Variants in KDM2A observed in about 807,000 individuals in gnomAD.
KDM2A encodes lysine-specific demethylase 2A.
A neutral mutation model predicts 137.3 loss-of-function variants in KDM2A; 3 were observed. The ratio of observed to expected loss-of-function variants is 0.02; its 90% CI spans 0.01 to 0.06. KDM2A has a LOEUF of 0.06. Among genes scored for constraint, KDM2A ranks in the 10% least tolerant of loss-of-function variants. The pLI is 1.00. For missense variants in KDM2A, 738 were observed against 1,510.6 expected (o/e 0.49, Z 8.48); for synonymous variants, 512 against 541.5 (o/e 0.95, Z 0.76).
At chr11:67,240,200 C>T in intron 12 of KDM2A, 2 of 1,534,178 alleles carry the variant, frequency 1.3e-6, no homozygotes, top group Non-Finnish European at 1.7e-6. Flanking sequence ...GCTGGACTGC[C>T]CTGCCCTATG....
chr11:67,134,662 G>A (rs759678506), intron 2 of KDM2A, among the ~76,000 whole-genome samples: 42 of 151,766 alleles, frequency 2.8e-4, no homozygotes, highest in Non-Finnish European at 5.4e-4. Flanking sequence ...GCGTCGCCAC[G>A]CCCAGCTAAT....
At chr11:67,251,488 T>C (rs1859426575) in intron 17 of KDM2A, among the ~76,000 whole-genome samples, 1 of 152,244 alleles carries the variant, frequency 6.6e-6, no homozygotes, top group African/African-American at 2.4e-5. Flanking sequence ...CCTTAAACTC[T>C]GGTATATATT....
intron 2 of KDM2A, among the ~76,000 whole-genome samples, chr11:67,144,198 C>T (rs1174237615): frequency 6.6e-6 from 1 of 151,646 alleles, no homozygotes; most frequent in Non-Finnish European, 1.5e-5. Context: ...GCCTACCTCC[C>T]AAAGTGTTGG....
chr11:67,255,866 T>A lies in KDM2A; in HGVS notation c.*811T>A. On this transcript the variant is annotated 3_prime_UTR_variant, in exon 21 of 21. Transcript: ENST00000529006. ...ACCATCTCCTTGTTCCCCCTCTCTC[T>A]TTTGCCTCCCACTGACTGCCCTTTT... 3.7e-6 allele frequency: 1 copy of A among 269,518 alleles called. No homozygotes were observed. Among genetic ancestry groups the A allele is most frequent in the Non-Finnish European group, 7.4e-6 (1 of 134,358 alleles). The allele number at this position is 269,518 out of a possible 1,614,324, so 16.7% of individuals were successfully genotyped here. A position where few individuals can be genotyped will look rare whatever the true frequency, so the allele number is the denominator to read the frequency against.
At chr11:67,143,394 T>A (rs532857741) in intron 2 of KDM2A, 44 of 152,070 alleles carry the variant, frequency 2.9e-4, no homozygotes, top group African/African-American at 1.1e-3. Context: ...GTTGGTTCAG[T>A]TTCTGAAAAT....
chr11:67,196,572 C>T (rs1326470994), intron 5 of KDM2A: 3 of 419,980 alleles, frequency 7.1e-6, no homozygotes, highest in Non-Finnish European at 1.4e-5. Flanking sequence ...CTGATATATA[C>T]TACACATTAC....
chr11:67,238,236 T>C (rs1858926779), intron 12 of KDM2A, among the ~76,000 whole-genome samples: 1 of 152,184 alleles, frequency 6.6e-6, no homozygotes, highest in Non-Finnish European at 1.5e-5. Context: ...GGAAACTTAC[T>C]GGGAGTGAGT....
At chr11:67,228,363 A>T (rs1358663622) in intron 11 of KDM2A, among the ~76,000 whole-genome samples, 200 bp downstream of exon 11, 1 of 152,142 alleles carries the variant, frequency 6.6e-6, no homozygotes, top group Non-Finnish European at 1.5e-5. Flanking sequence ...TCTGGATCTG[A>T]TCTTTGTCTG....
intron 15 of KDM2A, 25 bp from the exon 16 acceptor site, chr11:67,248,256 T>C: frequency 6.5e-7 from 1 of 1,543,424 alleles, no homozygotes; most frequent in East Asian, 2.3e-5. Flanking sequence ...GACAGGCTTT[T>C]AAAAACATCT....
chr11:67,215,794 T>C (rs2136395183), intron 7 of KDM2A, 62 bp from the exon 8 acceptor site: 2 of 1,223,460 alleles, frequency 1.6e-6, no homozygotes, highest in East Asian at 4.6e-5. Context: ...GTATGGCATT[T>C]TGGTGGGGCA....
At chr11:67,132,573 C>T (rs1252610385) in intron 2 of KDM2A, among the ~76,000 whole-genome samples, 4 of 152,158 alleles carry the variant, frequency 2.6e-5, no homozygotes, top group East Asian at 3.8e-4. Context: ...AGGCATGAGC[C>T]GCTGCGTCCA....
intron 2 of KDM2A, among the ~76,000 whole-genome samples, chr11:67,174,363 C>G (rs1404721506): frequency 1.3e-5 from 2 of 152,192 alleles, no homozygotes; most frequent in African/African-American, 2.4e-5. Flanking sequence ...ATTCTCTGCT[C>G]AAAAGTTCTG....
At chr11:67,226,571 A>T (rs1258515008) in intron 10 of KDM2A, among the ~76,000 whole-genome samples, 1 of 151,846 alleles carries the variant, frequency 6.6e-6, no homozygotes, top group African/African-American at 2.4e-5. Context: ...AAATACAAAA[A>T]ATTAGCCGGG....
chr11:67,244,985 CAAA>C (rs367648085), intron 13 of KDM2A: 5,794 of 337,154 alleles, frequency 0.017, no homozygotes, highest in South Asian at 0.023. Context: ...GACTCTGTCT[CAAA>C]AAAAAAAAAA....
rs1749541534 is a variant in KDM2A at position 67,248,137 on chromosome 11, C to T, written c.1966-144C>T. ...TCAAGATCAGGTTCAGCACCATTGGCTATTTGGGGCTGGATTGCTCACAGT... is the reference window on the plus strand; with the variant it reads ...TCAAGATCAGGTTCAGCACCATTGGTTATTTGGGGCTGGATTGCTCACAGT... On this transcript the variant is annotated intron_variant, in intron 15 of 20. Transcript: ENST00000529006. 6.3e-6 allele frequency: 4 copies of T among 631,156 alleles called. No individual in the cohort carries two copies. In the South Asian group the frequency reaches 7.6e-5, roughly 12 times the overall value. The allele number at this position is 631,156 out of a possible 1,614,324, so 39.1% of individuals were successfully genotyped here. A position where few individuals can be genotyped will look rare whatever the true frequency, so the allele number is the denominator to read the frequency against.
At chr11:67,215,742 CTTAAGA>C (rs1858140921) in intron 7 of KDM2A, 108 bp from the exon 8 acceptor site, 4 of 785,476 alleles carry the variant, frequency 5.1e-6, no homozygotes, top group Middle Eastern at 2.4e-4. Flanking sequence ...CCTTCTGGAA[CTTAAGA>C]TTAAGTGGAA....
chr11:67,200,964 C>T (rs568280347), intron 5 of KDM2A, among the ~76,000 whole-genome samples: 3 of 151,850 alleles, frequency 2.0e-5, no homozygotes, highest in South Asian at 4.2e-4. Flanking sequence ...GAGGTCGAGG[C>T]GGGTGGATCA....
intron 2 of KDM2A, among the ~76,000 whole-genome samples, chr11:67,151,382 TTTA>T (rs1311826765): frequency 1.3e-5 from 2 of 152,026 alleles, no homozygotes; most frequent in Non-Finnish European, 2.9e-5. Flanking sequence ...TAAATTTAAT[TTTA>T]TTATTTTATT....
intron 2 of KDM2A, among the ~76,000 whole-genome samples, chr11:67,125,963 A>T (rs1431467156): frequency 7.2e-6 from 1 of 137,990 alleles, no homozygotes; most frequent in Non-Finnish European, 1.5e-5. Flanking sequence ...AAAAAAAAAA[A>T]GGCCAGGCAC....
Sources: gnomAD v4.1 joint callset for allele counts (sites outside exome capture counted in the v4.1 genomes callset) on GRCh38, gnomAD v4.1.1 for gene constraint, MANE v1.5 for transcripts, NCBI Gene and HGNC (gene_info 2026-07-23, HGNC 2026-07-21) for gene names.